AIG1: variants seen among roughly 807,000 people sequenced by gnomAD.
AIG1 encodes the protein androgen induced 1, also known as androgen-induced gene 1 protein.
A neutral mutation model predicts 31.4 loss-of-function variants in AIG1; 23 were observed. That is an observed-to-expected ratio of 0.73 (90% CI 0.53 to 1.04). AIG1 has a LOEUF of 1.04. AIG1 is among the 50% of genes least tolerant of loss of function. The probability of loss-of-function intolerance (pLI) is 0.00; values close to 1 mark genes in which losing one functional copy is unlikely to be tolerated. For synonymous variants in AIG1, 100 were observed against 110.5 expected (o/e 0.90, Z 0.60); for missense variants, 274 against 295.0 (o/e 0.93, Z 0.52).
At chr6:143,320,804 C>G (rs1776144134) in intron 4 of AIG1, among the ~76,000 whole-genome samples, 1 of 149,070 alleles carries the variant, frequency 6.7e-6, no homozygotes, top group South Asian at 2.1e-4. Flanking sequence ...GTACTTAAAA[C>G]TTGTTAAGCG....
intron 1 of AIG1, among the ~76,000 whole-genome samples, chr6:143,064,552 A>G (rs1280674211): frequency 6.6e-6 from 1 of 152,256 alleles, no homozygotes; most frequent in Non-Finnish European, 1.5e-5. Context: ...TTCAATTGAT[A>G]GTAATTGGTT....
chr6:143,120,849 C>G (rs946421939), intron 1 of AIG1, among the ~76,000 whole-genome samples: 1 of 152,208 alleles, frequency 6.6e-6, no homozygotes, highest in Non-Finnish European at 1.5e-5. Flanking sequence ...GTGACATGTT[C>G]GTGATGGCCG....
intron 3 of AIG1, among the ~76,000 whole-genome samples, chr6:143,272,562 C>T (rs1416070832): frequency 4.6e-5 from 7 of 152,144 alleles, no homozygotes; most frequent in African/African-American, 1.7e-4. Context: ...ACTGTGGCCC[C>T]GCCTAACTGA....
At position 143,337,724 on chromosome 6, in the gene AIG1, G is replaced by T. The variant is rs563478684; in HGVS notation, c.680-1915G>T. Among the ~76,000 whole-genome samples, 3 of 152,240 alleles carry T rather than the reference G, an allele frequency of 2.0e-5. No individual in the cohort carries two copies. In the East Asian group the frequency reaches 5.8e-4, roughly 29 times the overall value. ...CTCTTCTCCTCCAGCTACCCGTGCA[G>T]GTCATTTCCCCCCAGGCCCATCCAG... is the stretch of plus-strand genomic sequence containing the variant. On this transcript the variant is annotated intron_variant, in intron 5 of 5. Transcript: ENST00000357847.
intron 3 of AIG1, chr6:143,189,921 A>G: frequency 2.6e-6 from 2 of 770,782 alleles, no homozygotes; most frequent in African/African-American, 3.8e-5. Flanking sequence ...TGGGAAGTCC[A>G]AGAGCTGGGT....
At chr6:143,336,077 G>T (rs543169939) in intron 5 of AIG1, among the ~76,000 whole-genome samples, 1 of 152,236 alleles carries the variant, frequency 6.6e-6, no homozygotes, top group East Asian at 1.9e-4. Context: ...TCTGTTAGCT[G>T]TTGAGTCAAA....
chr6:143,114,410 C>T (rs1253756276), intron 1 of AIG1, among the ~76,000 whole-genome samples: 1 of 152,156 alleles, frequency 6.6e-6, no homozygotes, highest in Non-Finnish European at 1.5e-5. Context: ...TACATGTTTT[C>T]AAGAAGTTCT....
chr6:143,310,763 T>C (rs1775201755), intron 4 of AIG1, among the ~76,000 whole-genome samples: 1 of 150,998 alleles, frequency 6.6e-6, no homozygotes, highest in Non-Finnish European at 1.5e-5. Flanking sequence ...GAAAGAGGAA[T>C]CCCACTACTG....
chr6:143,301,144 A>G (rs1024243218), intron 4 of AIG1, among the ~76,000 whole-genome samples: 1 of 152,210 alleles, frequency 6.6e-6, no homozygotes, highest in African/African-American at 2.4e-5. Flanking sequence ...TTTGCAAACC[A>G]AAGTGTATCT....
chr6:143,190,699 T>A (rs960202218), intron 3 of AIG1: 1 of 748,416 alleles, frequency 1.3e-6, no homozygotes, highest in African/African-American at 1.9e-5. Context: ...CATGATGGGA[T>A]GTTGTCTTCT....
At chr6:143,316,018 A>G (rs1322642142) in intron 4 of AIG1, among the ~76,000 whole-genome samples, 1 of 152,102 alleles carries the variant, frequency 6.6e-6, no homozygotes, top group East Asian at 1.9e-4. Context: ...AGCAGTATAT[A>G]GATATTGTTA....
At chr6:143,193,380 A>T (rs1789959089) in intron 3 of AIG1, among the ~76,000 whole-genome samples, 1 of 152,050 alleles carries the variant, frequency 6.6e-6, no homozygotes, top group Non-Finnish European at 1.5e-5. Context: ...TTTTGTCTTG[A>T]CTTTCACCAC....
At chr6:143,323,155 A>C (rs1776352358) in intron 4 of AIG1, among the ~76,000 whole-genome samples, 1 of 152,220 alleles carries the variant, frequency 6.6e-6, no homozygotes, top group Non-Finnish European at 1.5e-5. Context: ...AGGACCAGTT[A>C]ATCGTTGATC....
intron 3 of AIG1, among the ~76,000 whole-genome samples, chr6:143,213,446 T>G (rs1248416322): frequency 6.7e-6 from 1 of 149,280 alleles, no homozygotes; most frequent in Non-Finnish European, 1.5e-5. Flanking sequence ...AACTCAAACA[T>G]GAAGGTTGGG....
At chr6:143,080,108 C>G (rs1371522036) in intron 1 of AIG1, among the ~76,000 whole-genome samples, 1 of 152,142 alleles carries the variant, frequency 6.6e-6, no homozygotes, top group African/African-American at 2.4e-5. Flanking sequence ...CCTAGGAAAT[C>G]CAGCTAGTCC....
intron 4 of AIG1, among the ~76,000 whole-genome samples, chr6:143,310,121 T>C (rs1364239572): frequency 6.6e-6 from 1 of 151,956 alleles, no homozygotes; most frequent in African/African-American, 2.4e-5. Flanking sequence ...ATAGTTGACC[T>C]GAACAACCAT....
At chr6:143,147,979 G>T (rs74464136) in intron 2 of AIG1, among the ~76,000 whole-genome samples, 1 of 152,004 alleles carries the variant, frequency 6.6e-6, no homozygotes, top group Non-Finnish European at 1.5e-5. Flanking sequence ...ATTTTACTTC[G>T]CAGAAGACTC....
rs115897686 is a variant in AIG1 at position 143,327,862 on chromosome 6, A to G, written c.516-5420A>G. 0.011 allele frequency among the ~76,000 whole-genome samples: 1,724 copies of G among 152,284 alleles called. 28 individuals are homozygous for G. The highest frequency in any genetic ancestry group is 0.039 in the African/African-American group (1,609 of 41,550). Reference sequence around the variant, plus strand: ...AGAAAGAACATGATTTTGTCTTTAGATATATTGAGTTTGAGGTATCTTTAA... The same window carrying G: ...AGAAAGAACATGATTTTGTCTTTAGGTATATTGAGTTTGAGGTATCTTTAA... On this transcript the variant is annotated intron_variant, in intron 4 of 5. Coordinates refer to ENST00000357847, the MANE Select transcript of AIG1 (RefSeq NM_016108.4). This position sits in a 1 kb window ranked among gnomAD's most constrained non-coding sequence, Gnocchi z 5.3.
At chr6:143,176,946 A>G (rs1240310363) in intron 3 of AIG1, among the ~76,000 whole-genome samples, 8 of 152,156 alleles carry the variant, frequency 5.3e-5, no homozygotes, top group South Asian at 2.1e-4. Flanking sequence ...GTCTCCACAC[A>G]TGGCTTTGTC....
Sources: allele counts gnomAD v4.1 joint callset (sites outside exome capture counted in the v4.1 genomes callset), GRCh38; gene constraint gnomAD v4.1.1; non-coding constraint Gnocchi (gnomAD v3.1); transcripts MANE v1.5; gene names NCBI Gene and HGNC (gene_info 2026-07-23, HGNC 2026-07-21).